RBM6: variants seen among roughly 807,000 people sequenced by gnomAD.
RBM6 encodes the protein RNA binding motif protein 6, also known as RNA-binding protein 6.
Under a neutral mutation model 140.4 loss-of-function variants are expected in RBM6, and 23 were observed. That is an observed-to-expected ratio of 0.16 (90% confidence interval 0.12 to 0.23). The LOEUF (loss-of-function observed/expected upper bound fraction) is 0.23. Among genes scored for constraint, RBM6 ranks in the 10% least tolerant of loss-of-function variants. The probability of loss-of-function intolerance (pLI) is 1.00; values close to 1 mark genes in which losing one functional copy is unlikely to be tolerated. For synonymous variants in RBM6, 439 were observed against 475.6 expected (o/e 0.92, Z 1.00); for missense variants, 1,139 against 1,386.7 (o/e 0.82, Z 2.84).
In RBM6 at chr3:50,062,103, A is replaced by G; in HGVS notation, c.2581A>G (p.Thr861Ala). Residue 861 changes from threonine to alanine, a missense_variant, in exon 15 of 21, where the codon ACG becomes GCG. Thr to Ala is a moderately conservative substitution (Grantham distance 58). Coordinates refer to ENST00000266022, the MANE Select transcript of RBM6 (RefSeq NM_005777.3). The part of the protein sequence containing the change: ...DGKEKKDRGV[T>A]RFQENASEGK... ...CAAGGAGAAAAAAGACAGAGGAGTGACGAGGGTAAGAGGAATTGTTAATTT... is the reference window on the plus strand; with the variant it reads ...CAAGGAGAAAAAAGACAGAGGAGTGGCGAGGGTAAGAGGAATTGTTAATTT... The G allele has an allele frequency of 6.2e-7, 1 of 1,613,130 alleles. No individual in the cohort carries two copies. Among genetic ancestry groups the G allele is most frequent in the African/African-American group, 1.3e-5 (1 of 74,948 alleles).
chr3:50,057,936 A>G lies in RBM6; in HGVS notation c.1902A>G (p.Pro634=), dbSNP rs148218317. ...RYLPPSRREG[P]TFRRDRERES... ...TGCCTCCTTCTCGAAGGGAAGGGCC[A>G]ACTTTCCGAAGAGACCGAGAGAGGG... The change falls in exon 9 of 21, where the codon CCA becomes CCG. Residue 634 remains proline, a synonymous_variant. Coordinates refer to ENST00000266022, the MANE Select transcript of RBM6 (RefSeq NM_005777.3). 94 of 1,614,082 alleles carry G rather than the reference A, an allele frequency of 5.8e-5. No homozygotes were observed. The highest frequency in any genetic ancestry group is 7.5e-5 in the Non-Finnish European group (89 of 1,180,042).
chr3:50,002,225 C>A (rs1158704106), intron 6 of RBM6, among the ~76,000 whole-genome samples: 2 of 151,336 alleles, frequency 1.3e-5, no homozygotes, highest in East Asian at 3.9e-4. Context: ...GTAGCTGGGA[C>A]TACAGATATG....
chr3:49,956,269 C>CT (rs1361234975), intron 1 of RBM6, among the ~76,000 whole-genome samples: 2 of 150,630 alleles, frequency 1.3e-5, no homozygotes, highest in African/African-American at 4.9e-5. Context: ...AATCTACCTG[C>CT]CTTAGCCTTC....
intron 7 of RBM6, among the ~76,000 whole-genome samples, chr3:50,050,868 G>A (rs59802870): frequency 0.079 from 12,003 of 152,112 alleles, 524 homozygotes; most frequent in African/African-American, 0.1. Flanking sequence ...ACCTCCTTTG[G>A]AGAAATGTTC....
At chr3:49,949,037 G>T (rs1475414846) in intron 1 of RBM6, among the ~76,000 whole-genome samples, 2 of 150,208 alleles carry the variant, frequency 1.3e-5, no homozygotes, top group Non-Finnish European at 3.0e-5. Flanking sequence ...CACTATATTG[G>T]CCAGGCTGGT....
At chr3:50,072,409 CA>C (rs567722203) in intron 19 of RBM6, among the ~76,000 whole-genome samples, 126 of 120,544 alleles carry the variant, frequency 1.0e-3, no homozygotes, top group Non-Finnish European at 9.0e-4. Flanking sequence ...GACTCCAAAT[CA>C]AAAAAAAAAA....
chr3:50,046,243 T>C (rs1161198218), intron 6 of RBM6, among the ~76,000 whole-genome samples: 3 of 112,058 alleles, frequency 2.7e-5, no homozygotes, highest in Non-Finnish European at 5.6e-5. Context: ...ATCGTGCCAC[T>C]GTACTTGAGA....
At chr3:50,014,918 G>C (rs765774758) in intron 6 of RBM6, among the ~76,000 whole-genome samples, 1 of 151,550 alleles carries the variant, frequency 6.6e-6, no homozygotes, top group East Asian at 2.0e-4. Context: ...GCATGGTGGC[G>C]TACACCTGCA....
At chr3:49,948,717 G>GA (rs1298504771) in intron 1 of RBM6, among the ~76,000 whole-genome samples, 216 of 108,306 alleles carry the variant, frequency 2.0e-3, no homozygotes, top group East Asian at 5.5e-3. Context: ...TCTCAAAAAA[G>GA]AAAAAAAAAA....
chr3:50,052,944 C>T (rs2089531411), intron 7 of RBM6, among the ~76,000 whole-genome samples: 1 of 151,230 alleles, frequency 6.6e-6, no homozygotes, highest in African/African-American at 2.4e-5. Context: ...GAAGTATACT[C>T]ACCCTGTGGG....
Position 49,999,552 on chromosome 3 carries a change from TA to T in RBM6, c.1557+40del, listed in dbSNP as rs766190321. 8 of 1,473,868 alleles carry T rather than the reference TA, an allele frequency of 5.4e-6. No homozygotes were observed. In the East Asian group the frequency reaches 6.8e-5, roughly 13 times the overall value. 91.3% of individuals were successfully genotyped at this position (1,473,868 alleles called of 1,614,324 possible). A position where few individuals can be genotyped will look rare whatever the true frequency, so the allele number is the denominator to read the frequency against. ...TCGGTCAAATGATGCTGGAAGGATA[TA>T]TTTTTTTATATATGGGGAGGGAGGG... On this transcript the variant is annotated intron_variant, in intron 6 of 20. Transcript: ENST00000266022.
intron 1 of RBM6, among the ~76,000 whole-genome samples, chr3:49,950,749 T>A: frequency 6.6e-6 from 1 of 150,814 alleles, no homozygotes. Context: ...AGGGAGACTG[T>A]TTCAAAAAAA....
At chr3:50,050,291 G>A (rs891010303) in intron 7 of RBM6, among the ~76,000 whole-genome samples, 1 of 151,964 alleles carries the variant, frequency 6.6e-6, no homozygotes, top group African/African-American at 2.4e-5. Flanking sequence ...TGCCTATTCC[G>A]GATATTTCAT....
chr3:50,053,744 G>A (rs928118074), intron 7 of RBM6, among the ~76,000 whole-genome samples: 1 of 152,230 alleles, frequency 6.6e-6, no homozygotes, highest in Non-Finnish European at 1.5e-5. Context: ...GGGTTGGGCA[G>A]TGTGCTTGAC....
At chr3:49,956,328 CTTTTTT>C (rs34467093) in intron 1 of RBM6, among the ~76,000 whole-genome samples, 2 of 72,052 alleles carry the variant, frequency 2.8e-5, no homozygotes, top group South Asian at 4.6e-4. Flanking sequence ...CCCTCCCCCG[CTTTTTT>C]TTTTTTTTTT....
intron 11 of RBM6, 89 bp from the exon 12 acceptor site, chr3:50,060,867 G>A: frequency 7.3e-7 from 1 of 1,375,178 alleles, no homozygotes; most frequent in South Asian, 1.7e-5. Flanking sequence ...ATGAGGAACA[G>A]AGGATTTCTC....
rs1394306145 is a variant in RBM6, at chr3:49,968,507, A to G, written c.1082A>G (p.Gln361Arg). ...HESPADFQNS[Q>R]SPVQDQDKSQ... ...TCTCCAGCAGACTTTCAGAACAGCC[A>G]AAGTCCAGTTCAAGACCAAGATAAG... is the stretch of plus-strand genomic sequence containing the variant. Residue 361 changes from glutamine (Q) to arginine (R), a missense_variant, in exon 3 of 21, where the codon CAA becomes CGA. By Grantham distance (43) the Gln-to-Arg change is conservative. This residue lies in a region of RBM6 where 566 missense variants were observed against 612.7 expected (regional missense o/e 0.92). Transcript: ENST00000266022. 2 of 1,614,104 alleles carry G rather than the reference A, an allele frequency of 1.2e-6. No individual in the cohort carries two copies. The highest frequency in any genetic ancestry group is 2.7e-5 in the African/African-American group (2 of 74,940).
intron 6 of RBM6, among the ~76,000 whole-genome samples, chr3:50,003,664 TG>T (rs894866309): frequency 2.6e-5 from 4 of 152,234 alleles, no homozygotes; most frequent in Non-Finnish European, 4.4e-5. Context: ...AGCCTTTTCC[TG>T]GTGCCTAGAT....
rs148501050 is a variant in RBM6, at chr3:50,075,273, C to A, written c.3189C>A (p.Gly1063=). ...GAGGCTGTGTCCAACAGGCTACTGG[C>A]TGGAGGAAAGGGACAGGCCTGGGAT... is the stretch of plus-strand genomic sequence containing the variant. ...SKGGCVQQAT[G]WRKGTGLGYG... is the part of the protein sequence containing the mutation. Residue 1063 remains glycine (G), a synonymous_variant, in exon 20 of 21, where the codon GGC becomes GGA. Coordinates refer to ENST00000266022, the MANE Select transcript of RBM6 (RefSeq NM_005777.3). 4.5e-3 allele frequency: 7,231 copies of A among 1,614,110 alleles called. 20 individuals are homozygous for A. The highest frequency in any genetic ancestry group is 5.6e-3 in the Non-Finnish European group (6,601 of 1,180,020).
Sources: gnomAD v4.1 joint callset for allele counts (sites outside exome capture counted in the v4.1 genomes callset) on GRCh38, gnomAD v4.1.1 for gene constraint, gnomAD v4.1.1 regional missense constraint, MANE v1.5 for transcripts, NCBI Gene and HGNC (gene_info 2026-07-23, HGNC 2026-07-21) for gene names.